Variants in DZIP1L observed in about 807,000 individuals in gnomAD.
DZIP1L encodes the protein cilium assembly protein DZIP1L.
DZIP1L carries 90 observed loss-of-function variants against 88.7 expected under a neutral mutation model. The ratio of observed to expected loss-of-function variants is 1.02; its 90% CI spans 0.86 to 1.21. DZIP1L has a LOEUF of 1.21. Ranked by LOEUF, DZIP1L falls within the 50% of genes most tolerant of loss-of-function variation. The pLI is 0.00. For missense variants in DZIP1L, 932 were observed against 955.8 expected (o/e 0.98, Z 0.33); for synonymous variants, 363 against 372.1 (o/e 0.98, Z 0.28).
rs756795805 is a variant in DZIP1L, at chr3:138,071,708, G to A, written c.1550C>T (p.Thr517Ile). Reference protein sequence around the residue: ...SLRGKLVKEVTSRAKERQENG... With the variant: ...SLRGKLVKEVISRAKERQENG... ...CTCCTGTCTCTCCTTCGCTCTGCTG[G>A]TGACTTCCTTGACAAGCTTTCCCCT... Residue 517 changes from threonine to isoleucine, a missense_variant, in exon 12 of 16, where the codon ACC becomes ATC. Thr to Ile is a moderately conservative substitution (Grantham distance 89). Transcript: ENST00000327532. The A allele has an allele frequency of 1.9e-6, 3 of 1,614,216 alleles. No homozygotes were observed. Among genetic ancestry groups the A allele is most frequent in the Admixed American group, 1.7e-5 (1 of 60,030 alleles).
chr3:138,073,252 C>G lies in DZIP1L; in HGVS notation c.1423-1417G>C, dbSNP rs550044852. ...GCACCACCTCCTAGCTGGAGGCCAA[C>G]AAACACAAAACCAATGCACTAAACA... On this transcript the variant is annotated intron_variant, in intron 11 of 15. Coordinates refer to ENST00000327532, the MANE Select transcript of DZIP1L (RefSeq NM_173543.3). Among the ~76,000 whole-genome samples the G allele has an allele frequency of 4.6e-5, 7 of 152,260 alleles. No homozygotes were observed. The East Asian group carries it at 5.8e-4, about 13-fold the overall frequency.
intron 2 of DZIP1L, chr3:138,102,594 C>A (rs975690240): frequency 1.8e-5 from 27 of 1,470,908 alleles, no homozygotes; most frequent in Non-Finnish European, 2.6e-5. Context: ...GGAACCATAC[C>A]TTGTCTATGA....
At chr3:138,064,428 T>A in intron 15 of DZIP1L, 200 bp downstream of exon 15, 1 of 1,528,076 alleles carries the variant, frequency 6.5e-7, no homozygotes, top group Non-Finnish European at 8.7e-7. Flanking sequence ...AAAGGCTTTT[T>A]AATGTTAACT....
chr3:138,074,988 C>T (rs1387472932), intron 11 of DZIP1L, among the ~76,000 whole-genome samples: 2 of 152,076 alleles, frequency 1.3e-5, no homozygotes, highest in Non-Finnish European at 2.9e-5. Context: ...ATACCAAAAG[C>T]GAGCAGGAGT....
chr3:138,095,769 G>A (rs1054847482), intron 3 of DZIP1L, among the ~76,000 whole-genome samples: 18 of 151,886 alleles, frequency 1.2e-4, no homozygotes, highest in African/African-American at 3.4e-4. Flanking sequence ...GAGACAGAGC[G>A]AGACTCTGTC....
At chr3:138,090,911 T>A (rs1181319722) in intron 5 of DZIP1L, among the ~76,000 whole-genome samples, 1 of 147,388 alleles carries the variant, frequency 6.8e-6, no homozygotes, top group East Asian at 2.0e-4. Context: ...TGAGAAGGAG[T>A]CTCACTCTGT....
intron 9 of DZIP1L, among the ~76,000 whole-genome samples, 160 bp from the exon 10 acceptor site, chr3:138,080,780 C>A (rs543687457): frequency 6.6e-6 from 1 of 152,202 alleles, no homozygotes; most frequent in African/African-American, 2.4e-5. Context: ...ACACTGGCGG[C>A]AGAAAGATCA....
chr3:138,101,942 T>G, intron 2 of DZIP1L: 1 of 1,525,520 alleles, frequency 6.6e-7, no homozygotes, highest in South Asian at 1.1e-5. Flanking sequence ...CCCTCTGGCC[T>G]TTGAGGCCCT....
At chr3:138,093,887 C>G (rs140671746) in intron 4 of DZIP1L, among the ~76,000 whole-genome samples, 3 of 152,304 alleles carry the variant, frequency 2.0e-5, no homozygotes, top group African/African-American at 7.2e-5. Context: ...AAAACTTTCT[C>G]CATCTCAGTA....
At position 138,089,477 on chromosome 3, in the gene DZIP1L, C is replaced by T. The variant is rs142643590; in HGVS notation, c.871-970G>A. Among the ~76,000 whole-genome samples, 14 of 152,288 alleles carry T rather than the reference C, an allele frequency of 9.2e-5. No homozygotes were observed. In the East Asian group the frequency reaches 2.7e-3, roughly 29 times the overall value. The stretch of plus-strand genomic sequence containing the variant: ...TCTAATCTAAAGTTCTCTCTTTAGT[C>T]AGGTAATGTAGCCAAAGTAAGCTCT... On this transcript the variant is annotated intron_variant, in intron 5 of 15. Transcript: ENST00000327532.
chr3:138,074,901 A>G (rs987240679), intron 11 of DZIP1L, among the ~76,000 whole-genome samples: 3 of 152,236 alleles, frequency 2.0e-5, no homozygotes, highest in Admixed American at 1.3e-4. Context: ...TGTCTTCAGA[A>G]GACTCACCTA....
Position 138,103,548 on chromosome 3 carries a change from C to T in DZIP1L, c.424G>A (p.Glu142Lys). The T allele has an allele frequency of 6.2e-7, 1 of 1,610,212 alleles. No homozygotes were observed. Among genetic ancestry groups the T allele is most frequent in the Non-Finnish European group, 8.5e-7 (1 of 1,179,778 alleles). The change falls in exon 2 of 16, where the codon GAG (glutamate) becomes AAG (lysine). Residue 142 changes from glutamate (E) to lysine (K), a missense_variant. Coordinates refer to ENST00000327532, the MANE Select transcript of DZIP1L (RefSeq NM_173543.3). ...QADELKGVREESRRRRKMIST... is the reference protein window; with the variant it reads ...QADELKGVREKSRRRRKMIST... ...ATCATCTTGCGACGCCGGCGGCTCT[C>T]CTCCCGCACACCCTTGAGCTCGTCA...
At chr3:138,064,275 G>A (rs1196033723) in intron 15 of DZIP1L, 7 of 968,678 alleles carry the variant, frequency 7.2e-6, no homozygotes, top group Non-Finnish European at 9.5e-6. Flanking sequence ...GTGAGGGACT[G>A]GGGAGGAGCC....
At chr3:138,106,872 GAGAGAGAGAGAGAA>G (rs1559865233) in intron 1 of DZIP1L, among the ~76,000 whole-genome samples, 7 of 149,432 alleles carry the variant, frequency 4.7e-5, no homozygotes, top group Non-Finnish European at 7.4e-5. Context: ...AAAAAAAAGA[GAGAGAGAGAGAGAA>G]AGAGAGAGAG....
chr3:138,068,461 G>A (rs1295220517), intron 12 of DZIP1L, 94 bp from the exon 13 acceptor site: 3 of 895,436 alleles, frequency 3.4e-6, no homozygotes, highest in Non-Finnish European at 4.8e-6. Context: ...CCCTGGAAAT[G>A]AACAATTACT....
At position 138,103,759 on chromosome 3, in the gene DZIP1L, C is replaced by A. The variant is rs2042396628; in HGVS notation, c.213G>T (p.Val71=). The change falls in exon 2 of 16, where the codon GTG becomes GTT. Residue 71 remains valine (V), a synonymous_variant. Coordinates refer to ENST00000327532, the MANE Select transcript of DZIP1L (RefSeq NM_173543.3). ...GITFCNLDRE[V]CSRCGQPVDP... is the part of the protein sequence containing the mutation. ...CCACAGGCTGCCCACAGCGGCTGCA[C>A]ACCTCCCGGTCCAAGTTGCAGAAGG... 1 of 1,613,898 alleles carries A rather than the reference C, an allele frequency of 6.2e-7. No homozygotes were observed. Among genetic ancestry groups the A allele is most frequent in the Non-Finnish European group, 8.5e-7 (1 of 1,180,054 alleles).
intron 1 of DZIP1L, 101 bp from the exon 2 acceptor site, chr3:138,104,153 T>A: frequency 3.6e-6 from 4 of 1,117,670 alleles, no homozygotes; most frequent in Non-Finnish European, 4.9e-6. Flanking sequence ...GTGAGGTGTC[T>A]GTGCAGCAGC....
intron 2 of DZIP1L, among the ~76,000 whole-genome samples, chr3:138,099,534 T>C (rs1018698909): frequency 5.3e-5 from 8 of 152,210 alleles, no homozygotes; most frequent in East Asian, 1.9e-4. Context: ...TGTCTACTAT[T>C]GTTTGAATGT....
chr3:138,084,445 A>T (rs2107784243), intron 7 of DZIP1L, among the ~76,000 whole-genome samples, 192 bp from the exon 8 acceptor site: 1 of 152,342 alleles, frequency 6.6e-6, no homozygotes, highest in East Asian at 1.9e-4. Flanking sequence ...AAGAAGTAAG[A>T]ATGGAATGCA....
Sources: gnomAD v4.1 joint callset for allele counts (sites outside exome capture counted in the v4.1 genomes callset) on GRCh38, gnomAD v4.1.1 for gene constraint, MANE v1.5 for transcripts, NCBI Gene and HGNC (gene_info 2026-07-23, HGNC 2026-07-21) for gene names.